Variants in ERN1 observed in about 807,000 individuals in gnomAD.
ERN1 encodes the protein serine/threonine-protein kinase/endoribonuclease IRE1.
Under a neutral mutation model 113.1 loss-of-function variants are expected in ERN1, and 39 were observed. The ratio of observed to expected loss-of-function variants is 0.34; its 90% confidence interval spans 0.27 to 0.45. The LOEUF is 0.45. Among genes scored for constraint, ERN1 ranks in the 20% least tolerant of loss-of-function variants. The pLI is 1.00. For missense variants in ERN1, 976 were observed against 1,274.8 expected, an observed-to-expected ratio of 0.77 and a Z score of 3.57; for synonymous variants, 507 against 515.9, an observed-to-expected ratio of 0.98 and a Z score of 0.23.
At chr17:64,047,791 T>C in intron 19 of ERN1, 67 bp downstream of exon 19, 2 of 1,426,640 alleles carry the variant, frequency 1.4e-6, no homozygotes, top group Non-Finnish European at 1.9e-6. Flanking sequence ...CTTTGTCCTT[T>C]TCTGTATTTT....
Position 64,052,966 on chromosome 17 carries a change from T to C in ERN1, c.2067A>G (p.Leu689=). 6.2e-7 allele frequency: 1 copy of C among 1,610,944 alleles called. No individual in the cohort carries two copies. The highest frequency in any genetic ancestry group is 8.5e-7 in the Non-Finnish European group (1 of 1,177,924). ...TGGATATGAGGATGTTGTGTGGCTT[T>C]AGGTCTCTGTGAACTAACAGAGAAC... ...LHSLNIVHRD[L]KPHNILISMP... The change falls in exon 17 of 22, where the codon CTA becomes CTG. Residue 689 remains leucine, a synonymous_variant. Transcript: ENST00000433197.
At chr17:64,082,395 A>G (rs1913794461) in intron 2 of ERN1, among the ~76,000 whole-genome samples, 1 of 152,228 alleles carries the variant, frequency 6.6e-6, no homozygotes, top group South Asian at 2.1e-4. Flanking sequence ...TACTGAAACA[A>G]GCTAGTCAAG....
Position 64,126,456 on chromosome 17 carries a change from T to C in ERN1, c.54+3520A>G, listed in dbSNP as rs142387773. 2.0e-3 allele frequency among the ~76,000 whole-genome samples: 310 copies of C among 152,218 alleles called. 3 individuals are homozygous for C. Among genetic ancestry groups the C allele is most frequent in the African/African-American group, 7.2e-3 (298 of 41,532 alleles). On this transcript the variant is annotated intron_variant, in intron 1 of 21. Coordinates refer to ENST00000433197, the MANE Select transcript of ERN1 (RefSeq NM_001433.5). ...ACCCTCAGACCTATGCAAGTGACAC[T>C]ATTCCATCCAGACATGAAGAAACTT...
intron 6 of ERN1, 138 bp from the exon 7 acceptor site, chr17:64,068,429 G>T: frequency 1.6e-6 from 1 of 644,112 alleles, no homozygotes; most frequent in South Asian, 1.9e-5. Flanking sequence ...TGTCGATAGA[G>T]AAAGGCAATG....
chr17:64,074,507 G>A (rs1349237053), intron 5 of ERN1, among the ~76,000 whole-genome samples: 1 of 152,210 alleles, frequency 6.6e-6, no homozygotes, highest in African/African-American at 2.4e-5. Context: ...GCCTGCACTT[G>A]AGACCCAGAA....
Position 64,051,380 on chromosome 17 carries a change from TG to T in ERN1, c.2253+1399del, listed in dbSNP as rs1279826611. Among the ~76,000 whole-genome samples the T allele has an allele frequency of 2.0e-5, 3 of 152,314 alleles. No individual in the cohort carries two copies. In the East Asian group the frequency reaches 5.8e-4, roughly 29 times the overall value. ...CAAGAGAGGAGGAAATGAACCCTTA[TG>T]GTAGAGAGATCAGCTGTAGCATCAC... On this transcript the variant is annotated intron_variant, in intron 17 of 21. Coordinates refer to ENST00000433197, the MANE Select transcript of ERN1 (RefSeq NM_001433.5).
At chr17:64,077,382 C>T (rs977165375) in intron 4 of ERN1, among the ~76,000 whole-genome samples, 4 of 152,172 alleles carry the variant, frequency 2.6e-5, no homozygotes, top group South Asian at 2.1e-4. Context: ...CCCACGTAAC[C>T]GGCATCCAGG....
chr17:64,053,248 G>A (rs376161056), intron 16 of ERN1, 24 bp downstream of exon 16: 3 of 1,566,020 alleles, frequency 1.9e-6, no homozygotes, highest in Non-Finnish European at 2.6e-6. Flanking sequence ...CGGGCCGCTG[G>A]CCTGGTAAAG....
chr17:64,071,026 T>C (rs185296978), intron 6 of ERN1, among the ~76,000 whole-genome samples: 1 of 152,266 alleles, frequency 6.6e-6, no homozygotes, highest in Admixed American at 6.5e-5. Flanking sequence ...AGGCAGGAAG[T>C]AGGCACATTG....
intron 1 of ERN1, among the ~76,000 whole-genome samples, chr17:64,119,258 A>C (rs1914887718): frequency 6.6e-6 from 1 of 152,120 alleles, no homozygotes; most frequent in African/African-American, 2.4e-5. Flanking sequence ...TAAAGCTGAT[A>C]AAAGCAATTT....
At chr17:64,066,213 T>C (rs1176409106) in intron 8 of ERN1, among the ~76,000 whole-genome samples, 2 of 152,150 alleles carry the variant, frequency 1.3e-5, no homozygotes, top group African/African-American at 2.4e-5. Flanking sequence ...TTAGAAAATA[T>C]AGAAAGTTAA....
intron 1 of ERN1, among the ~76,000 whole-genome samples, chr17:64,124,006 A>G (rs553729534): frequency 3.3e-4 from 51 of 152,342 alleles, no homozygotes; most frequent in African/African-American, 1.2e-3. Context: ...TCAAGATATT[A>G]GATTAGTTAT....
At chr17:64,102,009 G>GCCA (rs1310162180) in intron 1 of ERN1, among the ~76,000 whole-genome samples, 1 of 152,128 alleles carries the variant, frequency 6.6e-6, no homozygotes, top group Non-Finnish European at 1.5e-5. Flanking sequence ...GCCGGGACCG[G>GCCA]TGGCTCATGC....
Position 64,063,243 on chromosome 17 carries a change from G to A in ERN1, c.1087+743C>T, listed in dbSNP as rs1314729989. Among the ~76,000 whole-genome samples, 1 of 152,242 alleles carries A rather than the reference G, an allele frequency of 6.6e-6. No homozygotes were observed. The highest frequency in any genetic ancestry group is 1.9e-4 in the East Asian group (1 of 5,200). On this transcript the variant is annotated intron_variant, in intron 10 of 21. Transcript: ENST00000433197. This position sits in a 1 kb window ranked among gnomAD's most constrained non-coding sequence, Gnocchi z 5.1. ...AACAGTGAGGGATGGGGCACAGGAAGGGCAGATGGGGTTCAAGAAAACTCC... is the reference window on the plus strand; with the variant it reads ...AACAGTGAGGGATGGGGCACAGGAAAGGCAGATGGGGTTCAAGAAAACTCC...
At chr17:64,064,624 C>A (rs1364962314) in intron 9 of ERN1, among the ~76,000 whole-genome samples, 2 of 152,192 alleles carry the variant, frequency 1.3e-5, no homozygotes, top group Non-Finnish European at 2.9e-5. Flanking sequence ...AACCACACAG[C>A]CCAAGCATTG....
chr17:64,112,354 C>T (rs1914695263), intron 1 of ERN1, among the ~76,000 whole-genome samples: 1 of 142,960 alleles, frequency 7.0e-6, no homozygotes. Context: ...GGCGACAGAC[C>T]GAGACTCTGT....
chr17:64,071,475 C>T (rs1913414689), intron 6 of ERN1, among the ~76,000 whole-genome samples: 1 of 151,938 alleles, frequency 6.6e-6, no homozygotes, highest in South Asian at 2.1e-4. Flanking sequence ...GGCTGGAGTG[C>T]AGTGGCTTGA....
intron 11 of ERN1, among the ~76,000 whole-genome samples, chr17:64,059,468 C>G (rs1198118000): frequency 6.6e-6 from 1 of 152,176 alleles, no homozygotes; most frequent in Non-Finnish European, 1.5e-5. Flanking sequence ...CAGACGTCCC[C>G]TCTTCCCCTT....
intron 1 of ERN1, among the ~76,000 whole-genome samples, chr17:64,110,030 A>T (rs1032281440): frequency 1.3e-5 from 2 of 152,174 alleles, no homozygotes; most frequent in Non-Finnish European, 2.9e-5. Flanking sequence ...GGCACTGCAA[A>T]TTATACAGGG....
Sources: gnomAD v4.1 joint callset for allele counts (sites outside exome capture counted in the v4.1 genomes callset) on GRCh38, gnomAD v4.1.1 for gene constraint, Gnocchi (gnomAD v3.1) non-coding constraint, MANE v1.5 for transcripts, NCBI Gene and HGNC (gene_info 2026-07-23, HGNC 2026-07-21) for gene names.